Variants in GRID1 observed in about 807,000 individuals in gnomAD.
The protein encoded by GRID1 is glutamate receptor ionotropic, delta-1.
A neutral mutation model predicts 98.0 loss-of-function variants in GRID1; 28 were observed. The ratio of observed to expected loss-of-function variants is 0.29; its 90% CI spans 0.21 to 0.39. The LOEUF (loss-of-function observed/expected upper bound fraction) is 0.39. GRID1 is among the 10% of genes least tolerant of loss of function. The pLI, the probability that GRID1 is intolerant of heterozygous loss-of-function variation, is 1.00. For missense variants in GRID1, 1,111 were observed against 1,340.5 expected, an observed-to-expected ratio of 0.83 and a Z score of 2.67; for synonymous variants, 553 against 538.5, an observed-to-expected ratio of 1.03 and a Z score of -0.37.
intron 8 of GRID1, among the ~76,000 whole-genome samples, chr10:85,773,027 C>G (rs933806407): frequency 7.9e-5 from 12 of 152,182 alleles, no homozygotes; most frequent in African/African-American, 2.2e-4. Context: ...CCAAAAAAGA[C>G]AATTTTAGAC....
intron 4 of GRID1, among the ~76,000 whole-genome samples, chr10:85,936,563 A>G (rs1589305125): frequency 6.6e-6 from 1 of 152,034 alleles, no homozygotes; most frequent in African/African-American, 2.4e-5. Context: ...CTCACTCCCA[A>G]TGGACTGGCA....
chr10:86,062,032 G>A (rs566134061), intron 4 of GRID1, among the ~76,000 whole-genome samples: 13 of 152,270 alleles, frequency 8.5e-5, no homozygotes, highest in Non-Finnish European at 1.2e-4. Context: ...CAGGCTGAGC[G>A]ACAATCCTGG....
At chr10:85,759,515 T>C (rs1026942472) in intron 8 of GRID1, among the ~76,000 whole-genome samples, 2 of 152,220 alleles carry the variant, frequency 1.3e-5, no homozygotes, top group Admixed American at 1.3e-4. Flanking sequence ...TCTCTGACTT[T>C]TCCTTGACTG....
chr10:85,646,987 C>T lies in GRID1; in HGVS notation c.2193+215G>A, dbSNP rs1843201838. ...GTCAGGCTTAATCTGCCTGCTCCTC[C>T]CCAGCCAGCACCACTCTACAAAGTT... On this transcript the variant is annotated intron_variant, in intron 13 of 15. Transcript: ENST00000327946. 8.5e-6 allele frequency: 5 copies of T among 587,970 alleles called. No homozygotes were observed. In the Admixed American group the frequency reaches 1.2e-4, roughly 14 times the overall value. 36.4% of individuals were successfully genotyped at this position (587,970 alleles called of 1,614,324 possible). A position where few individuals can be genotyped will look rare whatever the true frequency, so the allele number is the denominator to read the frequency against.
chr10:86,245,275 A>G (rs1846705031), intron 2 of GRID1, among the ~76,000 whole-genome samples: 1 of 152,166 alleles, frequency 6.6e-6, no homozygotes, highest in African/African-American at 2.4e-5. Context: ...GAAACCCCTT[A>G]CGGCAAGTGG....
At chr10:86,202,072 C>T (rs1327565239) in intron 3 of GRID1, among the ~76,000 whole-genome samples, 2 of 152,224 alleles carry the variant, frequency 1.3e-5, no homozygotes, top group Admixed American at 6.5e-5. Flanking sequence ...AGACAGTGGC[C>T]ACTCAAACAG....
chr10:85,721,377 T>A lies in GRID1; in HGVS notation c.1997+1626A>T, dbSNP rs546862538. 2.6e-5 allele frequency among the ~76,000 whole-genome samples: 4 copies of A among 152,328 alleles called. No homozygotes were observed. In the South Asian group the frequency reaches 8.3e-4, roughly 32 times the overall value. The stretch of plus-strand genomic sequence containing the variant: ...ACATGTAAATGAAAACTCATGTTCA[T>A]GCAAAAACCTGCACGCAAATGTTCA... On this transcript the variant is annotated intron_variant, in intron 12 of 15. Transcript: ENST00000327946.
At chr10:86,050,313 G>C (rs1843483994) in intron 4 of GRID1, among the ~76,000 whole-genome samples, 1 of 152,188 alleles carries the variant, frequency 6.6e-6, no homozygotes, top group Non-Finnish European at 1.5e-5. Context: ...GTATGTGTGT[G>C]TATATATGTA....
rs536189989 is a variant in GRID1, at chr10:86,164,515, C to T, written c.521-25491G>A. On this transcript the variant is annotated intron_variant, in intron 3 of 15. Transcript: ENST00000327946. ...TGAGCACAGTCTTAGAGGGACAGTCCCTGCCCTCACCCAGCACAGTGGAGG... is the reference window on the plus strand; with the variant it reads ...TGAGCACAGTCTTAGAGGGACAGTCTCTGCCCTCACCCAGCACAGTGGAGG... Among the ~76,000 whole-genome samples, 3 of 152,304 alleles carry T rather than the reference C, an allele frequency of 2.0e-5. No homozygotes were observed. In the South Asian group the frequency reaches 6.2e-4, roughly 32 times the overall value.
At chr10:85,849,620 C>G (rs879404791) in intron 8 of GRID1, among the ~76,000 whole-genome samples, 6 of 152,140 alleles carry the variant, frequency 3.9e-5, no homozygotes, top group Non-Finnish European at 8.8e-5. Context: ...CACAGAACTG[C>G]ATCGCCTCAA....
intron 3 of GRID1, among the ~76,000 whole-genome samples, chr10:86,197,478 C>T (rs1404977969): frequency 6.6e-6 from 1 of 152,138 alleles, no homozygotes; most frequent in Non-Finnish European, 1.5e-5. Context: ...CACAACATCT[C>T]CCTTGTTCCC....
At chr10:86,245,945 G>A (rs1846719691) in intron 2 of GRID1, among the ~76,000 whole-genome samples, 1 of 152,268 alleles carries the variant, frequency 6.6e-6, no homozygotes, top group African/African-American at 2.4e-5. Context: ...CCCTGAGGCA[G>A]ATGTCAAGAG....
At chr10:85,652,926 T>C (rs979781153) in intron 12 of GRID1, among the ~76,000 whole-genome samples, 5 of 152,190 alleles carry the variant, frequency 3.3e-5, no homozygotes, top group African/African-American at 2.4e-5. Flanking sequence ...GTTCCTACTT[T>C]TGTGGATTTT....
At chr10:86,064,477 C>T (rs1173299970) in intron 4 of GRID1, among the ~76,000 whole-genome samples, 1 of 152,234 alleles carries the variant, frequency 6.6e-6, no homozygotes, top group Non-Finnish European at 1.5e-5. Context: ...GGCATCAGAA[C>T]TCCGCATGGC....
At chr10:85,865,942 T>TATATATAC (rs1199144734) in intron 6 of GRID1, among the ~76,000 whole-genome samples, 1,282 of 94,854 alleles carry the variant, frequency 0.014, 46 homozygotes, top group East Asian at 0.087. Flanking sequence ...TATATATATA[T>TATATATAC]ACACATATAT....
At chr10:86,166,212 C>T (rs146913793) in intron 3 of GRID1, among the ~76,000 whole-genome samples, 2,732 of 152,206 alleles carry the variant, frequency 0.018, 100 homozygotes, top group African/African-American at 0.062. Flanking sequence ...GTGCTGCACC[C>T]GTTAACTCGT....
intron 4 of GRID1, among the ~76,000 whole-genome samples, chr10:86,062,668 A>C (rs1215711787): frequency 6.6e-6 from 1 of 152,160 alleles, no homozygotes; most frequent in Non-Finnish European, 1.5e-5. Context: ...AGCCATCGCC[A>C]CTATGCCAGT....
intron 2 of GRID1, among the ~76,000 whole-genome samples, chr10:86,237,573 G>A (rs568278754): frequency 6.6e-6 from 1 of 152,270 alleles, no homozygotes; most frequent in South Asian, 2.1e-4. Flanking sequence ...GGTGGCAGGT[G>A]CCTGTAGTCC....
rs553810695 is a variant in GRID1, at chr10:85,766,353, G to T, written c.1234-36739C>A. Among the ~76,000 whole-genome samples the T allele has an allele frequency of 1.3e-4, 20 of 152,242 alleles. 1 individual carries two copies. The highest frequency in any genetic ancestry group is 4.6e-4 in the African/African-American group (19 of 41,538). ...ATTTAAAAATTAGCCTGGTGGGGTG[G>T]CATGTGCCTGTTGTCACAGTTACTT... is the stretch of plus-strand genomic sequence containing the variant. On this transcript the variant is annotated intron_variant, in intron 8 of 15. Transcript: ENST00000327946.
Sources: gnomAD v4.1 joint callset for allele counts (sites outside exome capture counted in the v4.1 genomes callset) on GRCh38, gnomAD v4.1.1 for gene constraint, MANE v1.5 for transcripts, NCBI Gene and HGNC (gene_info 2026-07-23, HGNC 2026-07-21) for gene names.